Variants in CSMD1 observed in about 807,000 individuals in gnomAD.
CSMD1 encodes CUB and Sushi multiple domains 1.
A neutral mutation model predicts 417.5 loss-of-function variants in CSMD1; 213 were observed. That is an observed-to-expected ratio of 0.51 (90% CI 0.46 to 0.57). The LOEUF (loss-of-function observed/expected upper bound fraction) is 0.57, where lower values mean the gene tolerates loss of function less well. Among genes scored for constraint, CSMD1 ranks in the 20% least tolerant of loss-of-function variants. The pLI, the probability that CSMD1 is intolerant of heterozygous loss-of-function variation, is 0.00. For synonymous variants in CSMD1, 2,862 were observed against 1,736.8 expected (o/e 1.65, Z -16.11); for missense variants, 6,923 against 4,529.7 (o/e 1.53, Z -15.17).
At chr8:3,888,529 C>A (rs1174171161) in intron 5 of CSMD1, among the ~76,000 whole-genome samples, 4 of 152,242 alleles carry the variant, frequency 2.6e-5, no homozygotes, top group Non-Finnish European at 5.9e-5. Flanking sequence ...GCTCCCCCAT[C>A]TGACCTTGTC....
intron 5 of CSMD1, among the ~76,000 whole-genome samples, chr8:3,898,077 A>G (rs149646522): frequency 6.6e-6 from 1 of 152,184 alleles, no homozygotes; most frequent in Non-Finnish European, 1.5e-5. Flanking sequence ...GTATGGAGGG[A>G]AATATATTAC....
intron 5 of CSMD1, among the ~76,000 whole-genome samples, chr8:3,874,276 C>G (rs1357423489): frequency 6.6e-6 from 1 of 152,124 alleles, no homozygotes; most frequent in Non-Finnish European, 1.5e-5. Context: ...TGCTCAAGGT[C>G]CCTGTGTCCC....
intron 3 of CSMD1, among the ~76,000 whole-genome samples, chr8:4,136,585 A>T (rs1803449404): frequency 6.6e-6 from 1 of 152,220 alleles, no homozygotes; most frequent in Non-Finnish European, 1.5e-5. Flanking sequence ...ATTTCAGAAG[A>T]TGCCAATTCC....
chr8:3,527,587 T>TAC lies in CSMD1; in HGVS notation c.1345-33863_1345-33862dup, dbSNP rs150049730. 1.5e-3 allele frequency among the ~76,000 whole-genome samples: 223 copies of TAC among 151,106 alleles called. 2 individuals are homozygous for TAC. Among genetic ancestry groups the TAC allele is most frequent in the Middle Eastern group, 3.4e-3 (1 of 292 alleles). On this transcript the variant is annotated intron_variant, in intron 10 of 69. Transcript: ENST00000635120. ...TGTGATAAAATCGCACAGAACTCTA[T>TAC]ACACACACACACACACGGGCATCTA...
intron 2 of CSMD1, among the ~76,000 whole-genome samples, chr8:4,533,069 C>A (rs766795148): frequency 4.5e-4 from 69 of 152,186 alleles, no homozygotes; most frequent in Non-Finnish European, 8.5e-4. Context: ...CTACTTTCTG[C>A]GTCAAAAGAT....
chr8:4,506,499 T>C (rs1802534137), intron 2 of CSMD1, among the ~76,000 whole-genome samples: 1 of 151,952 alleles, frequency 6.6e-6, no homozygotes, highest in Non-Finnish European at 1.5e-5. Context: ...TCAGAAACAA[T>C]GGCGGATGGC....
At chr8:4,146,270 T>C (rs931086022) in intron 3 of CSMD1, among the ~76,000 whole-genome samples, 1 of 151,010 alleles carries the variant, frequency 6.6e-6, no homozygotes, top group African/African-American at 2.5e-5. Flanking sequence ...GAGGCAGTAA[T>C]TCGCGTAGTG....
At chr8:4,682,955 CATATAT>C (rs10566841) in intron 1 of CSMD1, among the ~76,000 whole-genome samples, 3,604 of 118,368 alleles carry the variant, frequency 0.03, 118 homozygotes, top group African/African-American at 0.08. Flanking sequence ...TAAGTATCTT[CATATAT>C]ATATATATAT....
At chr8:4,436,840 G>T (rs74941433) in intron 2 of CSMD1, among the ~76,000 whole-genome samples, 1 of 152,164 alleles carries the variant, frequency 6.6e-6, no homozygotes, top group Non-Finnish European at 1.5e-5. Context: ...TGGTGCAAAT[G>T]AGTGAATCTC....
chr8:2,947,555 A>G (rs1802333566), intron 68 of CSMD1, among the ~76,000 whole-genome samples: 2 of 152,350 alleles, frequency 1.3e-5, no homozygotes, highest in South Asian at 4.1e-4. Flanking sequence ...TGTTAGATTA[A>G]AAAGAAAAGG....
At chr8:4,678,492 A>T (rs1805834738) in intron 1 of CSMD1, among the ~76,000 whole-genome samples, 1 of 152,206 alleles carries the variant, frequency 6.6e-6, no homozygotes, top group South Asian at 2.1e-4. Flanking sequence ...GTAACTACAC[A>T]TGATAGTTCT....
At chr8:3,208,880 G>A (rs1563144442) in intron 30 of CSMD1, among the ~76,000 whole-genome samples, 2 of 152,132 alleles carry the variant, frequency 1.3e-5, no homozygotes, top group African/African-American at 2.4e-5. Flanking sequence ...ACTCGGAATG[G>A]CTCTTCTTGT....
intron 3 of CSMD1, among the ~76,000 whole-genome samples, chr8:4,250,949 G>C (rs572453447): frequency 3.3e-5 from 5 of 152,044 alleles, no homozygotes; most frequent in Admixed American, 3.3e-4. Context: ...CAGATGACAC[G>C]TTTCCCTGAA....
At chr8:4,470,650 A>C (rs1334276301) in intron 2 of CSMD1, among the ~76,000 whole-genome samples, 1 of 152,228 alleles carries the variant, frequency 6.6e-6, no homozygotes, top group Non-Finnish European at 1.5e-5. Flanking sequence ...TTCAACAGTG[A>C]GATTTCTAAA....
intron 3 of CSMD1, among the ~76,000 whole-genome samples, chr8:4,352,069 T>A (rs1361685316): frequency 6.6e-6 from 1 of 152,122 alleles, no homozygotes; most frequent in African/African-American, 2.4e-5. Context: ...TTATTCAGTG[T>A]TAGCCACTCT....
intron 1 of CSMD1, among the ~76,000 whole-genome samples, chr8:4,685,301 T>C (rs1415232311): frequency 6.6e-6 from 1 of 152,160 alleles, no homozygotes; most frequent in Non-Finnish European, 1.5e-5. Flanking sequence ...TGGCCAGGCG[T>C]GTTGGCTCAT....
chr8:3,370,485 T>G (rs768012243), intron 18 of CSMD1, among the ~76,000 whole-genome samples: 5 of 152,104 alleles, frequency 3.3e-5, no homozygotes, highest in Non-Finnish European at 7.4e-5. Flanking sequence ...CTGCAGCACC[T>G]CCACTGTGAT....
intron 5 of CSMD1, among the ~76,000 whole-genome samples, chr8:3,851,136 T>C (rs938295277): frequency 7.2e-5 from 11 of 152,240 alleles, no homozygotes; most frequent in African/African-American, 2.4e-4. Flanking sequence ...TAAAATAAGA[T>C]TTCTGAGGAG....
At chr8:4,940,037 C>G (rs1327743872) in intron 1 of CSMD1, among the ~76,000 whole-genome samples, 1 of 152,068 alleles carries the variant, frequency 6.6e-6, no homozygotes, top group African/African-American at 2.4e-5. Context: ...GCCTGCACTC[C>G]CGTCAGAGAA....
Sources: allele counts gnomAD v4.1 joint callset (sites outside exome capture counted in the v4.1 genomes callset), GRCh38; gene constraint gnomAD v4.1.1; transcripts MANE v1.5; gene names NCBI Gene and HGNC (gene_info 2026-07-23, HGNC 2026-07-21).